Variants in CACNA2D1 observed in about 807,000 individuals in gnomAD.
CACNA2D1 encodes the protein calcium voltage-gated channel auxiliary subunit alpha2delta 1.
A neutral mutation model predicts 171.5 loss-of-function variants in CACNA2D1; 53 were observed. The observed-to-expected ratio is 0.31, with a 90% confidence interval of 0.25 to 0.39. CACNA2D1 has a LOEUF of 0.39. Among genes scored for constraint, CACNA2D1 ranks in the 10% least tolerant of loss-of-function variants. The pLI, the probability that CACNA2D1 is intolerant of heterozygous loss-of-function variation, is 1.00. For missense variants in CACNA2D1, 903 were observed against 1,299.8 expected, an observed-to-expected ratio of 0.69 and a Z score of 4.69; for synonymous variants, 442 against 443.1, an observed-to-expected ratio of 1.00 and a Z score of 0.03.
At chr7:82,144,889 G>A (rs751982735) in intron 4 of CACNA2D1, among the ~76,000 whole-genome samples, 33 of 151,238 alleles carry the variant, frequency 2.2e-4, no homozygotes, top group African/African-American at 3.9e-4. Flanking sequence ...TTTTGCTAGC[G>A]TGGTTCAATA....
intron 2 of CACNA2D1, among the ~76,000 whole-genome samples, chr7:82,337,590 G>A (rs978447263): frequency 6.6e-6 from 1 of 151,864 alleles, no homozygotes; most frequent in South Asian, 2.1e-4. Flanking sequence ...TTACTGTTTT[G>A]TAAATAATTA....
At chr7:81,963,620 T>A (rs2130290115) in intron 34 of CACNA2D1, among the ~76,000 whole-genome samples, 1 of 152,110 alleles carries the variant, frequency 6.6e-6, no homozygotes, top group South Asian at 2.1e-4. Context: ...CTAGTCCTTG[T>A]ATCAATAGTA....
At chr7:82,262,991 C>A (rs192297876) in intron 3 of CACNA2D1, among the ~76,000 whole-genome samples, 1 of 151,906 alleles carries the variant, frequency 6.6e-6, no homozygotes, top group African/African-American at 2.4e-5. Flanking sequence ...TTTGTCCAAT[C>A]GTATTTCTTC....
intron 3 of CACNA2D1, among the ~76,000 whole-genome samples, chr7:82,232,890 A>C (rs1803121961): frequency 8.1e-6 from 1 of 123,470 alleles, no homozygotes; most frequent in Non-Finnish European, 1.7e-5. Context: ...AAAAAAAAAA[A>C]AAGACTTGCT....
In CACNA2D1 at chr7:81,947,170, A is replaced by T. The variant is rs1185882759; in HGVS notation, c.*3222T>A. 2 of 152,038 alleles carry T rather than the reference A, an allele frequency of 1.3e-5. No homozygotes were observed. The highest frequency in any genetic ancestry group is 2.9e-5 in the Non-Finnish European group (2 of 67,944). 9.4% of individuals were successfully genotyped at this position (152,038 alleles called of 1,614,324 possible). ...GGTCACAGACAAAGATTTAAATGAG[A>T]TTTAAAATACAAGAGAGCATCAAAT... On this transcript the variant is annotated 3_prime_UTR_variant, in exon 39 of 39. Coordinates refer to ENST00000356860, the MANE Select transcript of CACNA2D1 (RefSeq NM_000722.4).
chr7:81,968,849 A>G (rs1794974155), intron 29 of CACNA2D1, 38 bp downstream of exon 29: 2 of 1,080,718 alleles, frequency 1.9e-6, no homozygotes, highest in Non-Finnish European at 2.9e-6. Context: ...GTAACATTTA[A>G]TTTTGATTGT....
chr7:82,311,837 G>C (rs886212792), intron 3 of CACNA2D1, among the ~76,000 whole-genome samples: 67 of 152,256 alleles, frequency 4.4e-4, no homozygotes, highest in African/African-American at 1.6e-3. Context: ...AACACCAACA[G>C]ACTTGGAAAA....
At chr7:82,012,280 ACTAGGAATGCTGTGTTGAAAT>A (rs1292721836) in intron 14 of CACNA2D1, 37 bp from the exon 15 acceptor site, 3 of 1,061,428 alleles carry the variant, frequency 2.8e-6, no homozygotes, top group African/African-American at 1.6e-5. Flanking sequence ...CGTGGTTAAA[ACTAGGAATGCTGTGTTGAAAT>A]AAAAATTACA....
At chr7:82,116,737 T>C (rs1789088656) in intron 6 of CACNA2D1, among the ~76,000 whole-genome samples, 1 of 152,322 alleles carries the variant, frequency 6.6e-6, no homozygotes, top group South Asian at 2.1e-4. Context: ...TTGACAAATA[T>C]ATCTATATAC....
intron 1 of CACNA2D1, among the ~76,000 whole-genome samples, chr7:82,395,715 C>T (rs746403809): frequency 6.6e-6 from 1 of 152,076 alleles, no homozygotes; most frequent in Non-Finnish European, 1.5e-5. Context: ...TGCCTACCTG[C>T]ATTTATAATA....
rs114806823 is a variant in CACNA2D1 at position 82,052,130 on chromosome 7, T to C, written c.879+8298A>G. Among the ~76,000 whole-genome samples, 1,250 of 152,304 alleles carry C rather than the reference T, an allele frequency of 8.2e-3. 18 individuals carry two copies. The highest frequency in any genetic ancestry group is 0.029 in the African/African-American group (1,185 of 41,552). ...GGGCAACTTTGGGAAAGTGTTAATATAGATTGCATCCTGAGTCTTTGGATG... is the reference window on the plus strand; with the variant it reads ...GGGCAACTTTGGGAAAGTGTTAATACAGATTGCATCCTGAGTCTTTGGATG... On this transcript the variant is annotated intron_variant, in intron 10 of 38. Coordinates refer to ENST00000356860, the MANE Select transcript of CACNA2D1 (RefSeq NM_000722.4).
At chr7:82,086,004 T>C (rs1158978905) in intron 6 of CACNA2D1, among the ~76,000 whole-genome samples, 1 of 152,178 alleles carries the variant, frequency 6.6e-6, no homozygotes, top group Non-Finnish European at 1.5e-5. Flanking sequence ...GGCATAATTT[T>C]CTATGTAAAA....
intron 1 of CACNA2D1, among the ~76,000 whole-genome samples, chr7:82,396,500 T>C (rs1825772769): frequency 6.6e-6 from 1 of 152,222 alleles, no homozygotes; most frequent in South Asian, 2.1e-4. Flanking sequence ...AATACTAGTA[T>C]CTGTCAAGGT....
rs182259910 is a variant in CACNA2D1 at position 82,296,361 on chromosome 7, C to A, written c.294+38774G>T. 2.0e-5 allele frequency among the ~76,000 whole-genome samples: 3 copies of A among 152,080 alleles called. No individual in the cohort carries two copies. In the South Asian group the frequency reaches 6.2e-4, roughly 32 times the overall value. On this transcript the variant is annotated intron_variant, in intron 3 of 38. Transcript: ENST00000356860. ...AACATCTCAGAGCATTTCTGACATC[C>A]GAATCAGTTAGCTCAATGTGTCTGC...
chr7:82,218,223 C>A (rs548272090), intron 3 of CACNA2D1, among the ~76,000 whole-genome samples: 1 of 152,042 alleles, frequency 6.6e-6, no homozygotes, highest in Non-Finnish European at 1.5e-5. Context: ...TGTAAGCCAC[C>A]GTGTCCGGCC....
chr7:82,209,499 T>G (rs1400217925), intron 3 of CACNA2D1, among the ~76,000 whole-genome samples: 1 of 152,136 alleles, frequency 6.6e-6, no homozygotes, highest in Non-Finnish European at 1.5e-5. Context: ...CAGCTTGATC[T>G]AAAGAAAGCA....
intron 5 of CACNA2D1, among the ~76,000 whole-genome samples, chr7:82,130,791 CTTTTTTTTTTT>C (rs71093363): frequency 9.4e-6 from 1 of 105,844 alleles, no homozygotes. Flanking sequence ...TTGTTTTTGT[CTTTTTTTTTTT>C]TTTTTTTTTT....
intron 34 of CACNA2D1, among the ~76,000 whole-genome samples, chr7:81,963,793 A>G (rs1584200258): frequency 1.3e-5 from 2 of 151,986 alleles, no homozygotes; most frequent in African/African-American, 4.8e-5. Context: ...TTCAATAGAT[A>G]TGTAGAGGAA....
chr7:82,116,606 T>C (rs112968250), intron 6 of CACNA2D1, among the ~76,000 whole-genome samples: 1 of 152,176 alleles, frequency 6.6e-6, no homozygotes, highest in African/African-American at 2.4e-5. Context: ...AGAGAGAGAC[T>C]GACAGACATG....
Sources: allele counts gnomAD v4.1 joint callset (sites outside exome capture counted in the v4.1 genomes callset), GRCh38; gene constraint gnomAD v4.1.1; transcripts MANE v1.5; gene names NCBI Gene and HGNC (gene_info 2026-07-23, HGNC 2026-07-21).